XKR4: variants seen among roughly 807,000 people sequenced by gnomAD.
The protein encoded by XKR4 is XK-related protein 4.
A neutral mutation model predicts 53.9 loss-of-function variants in XKR4; 12 were observed. That is an observed-to-expected ratio of 0.22 (90% CI 0.14 to 0.36). The LOEUF (loss-of-function observed/expected upper bound fraction) is 0.36, where lower values mean the gene tolerates loss of function less well. XKR4 is among the 10% of genes least tolerant of loss of function. The pLI is 1.00. For missense variants in XKR4, 799 were observed against 859.5 expected (o/e 0.93, Z 0.88); for synonymous variants, 354 against 362.4 (o/e 0.98, Z 0.26).
intron 1 of XKR4, among the ~76,000 whole-genome samples, chr8:55,147,207 GT>G (rs1288645289): frequency 1.3e-5 from 2 of 152,138 alleles, no homozygotes; most frequent in Non-Finnish European, 2.9e-5. Flanking sequence ...CAATTAACAT[GT>G]GCTGTGACTC....
intron 1 of XKR4, among the ~76,000 whole-genome samples, chr8:55,306,384 T>A (rs113130338): frequency 0.018 from 2,728 of 152,282 alleles, 63 homozygotes; most frequent in African/African-American, 0.053. Flanking sequence ...AGGGTCCATA[T>A]GGAATCATGA....
chr8:55,133,415 C>G (rs138058199), intron 1 of XKR4, among the ~76,000 whole-genome samples: 1 of 152,340 alleles, frequency 6.6e-6, no homozygotes, highest in Non-Finnish European at 1.5e-5. Flanking sequence ...CAGTTTCCAT[C>G]AAATTCCACA....
At chr8:55,392,171 G>GA (rs1804453125) in intron 2 of XKR4, among the ~76,000 whole-genome samples, 2 of 152,076 alleles carry the variant, frequency 1.3e-5, no homozygotes, top group African/African-American at 4.8e-5. Flanking sequence ...AAAAGGCATG[G>GA]AAAAAATGAC....
chr8:55,129,613 G>A (rs1816526430), intron 1 of XKR4, among the ~76,000 whole-genome samples: 1 of 152,212 alleles, frequency 6.6e-6, no homozygotes, highest in South Asian at 2.1e-4. Context: ...CAGACTCGGG[G>A]TGAGAAAGTT....
chr8:55,441,739 C>A (rs1035281087), intron 2 of XKR4, among the ~76,000 whole-genome samples: 7 of 152,044 alleles, frequency 4.6e-5, no homozygotes. Flanking sequence ...AGGCATAATT[C>A]TCAACACAAA....
chr8:55,139,179 A>G (rs905227293), intron 1 of XKR4, among the ~76,000 whole-genome samples: 1 of 152,196 alleles, frequency 6.6e-6, no homozygotes, highest in Non-Finnish European at 1.5e-5. Flanking sequence ...TATCAGTCCC[A>G]TATTTGTCCC....
intron 2 of XKR4, among the ~76,000 whole-genome samples, chr8:55,370,193 A>G (rs1804052633): frequency 6.6e-6 from 1 of 152,202 alleles, no homozygotes. Context: ...TTTATTATAT[A>G]ATGTCAAATT....
intron 1 of XKR4, among the ~76,000 whole-genome samples, chr8:55,144,603 T>A (rs929000267): frequency 7.2e-5 from 11 of 152,080 alleles, no homozygotes; most frequent in African/African-American, 2.7e-4. Flanking sequence ...AATTTTGGCA[T>A]CTAATCCAAT....
chr8:55,280,693 G>A (rs867288630), intron 1 of XKR4, among the ~76,000 whole-genome samples: 2 of 152,054 alleles, frequency 1.3e-5, no homozygotes, highest in South Asian at 2.1e-4. Context: ...TAGGATATAT[G>A]GATTTTTAAA....
chr8:55,183,753 G>A (rs527747675), intron 1 of XKR4, among the ~76,000 whole-genome samples: 7 of 152,258 alleles, frequency 4.6e-5, no homozygotes, highest in African/African-American at 1.7e-4. Flanking sequence ...GATCAAATTG[G>A]CAGTTAGTGT....
At chr8:55,478,765 A>G (rs1806046172) in intron 2 of XKR4, among the ~76,000 whole-genome samples, 2 of 152,146 alleles carry the variant, frequency 1.3e-5, no homozygotes, top group Admixed American at 1.3e-4. Context: ...CTCTGATAAA[A>G]CAGACTTTAA....
At position 55,537,300 on chromosome 8, in the gene XKR4, T is replaced by G. The variant is rs1807044162; in HGVS notation, c.*13073T>G. ...CAAGGAAAGTCTGAGATGTTCATCCTGACATTTGCGTTCCTGATTATTTGT... is the reference window on the plus strand; with the variant it reads ...CAAGGAAAGTCTGAGATGTTCATCCGGACATTTGCGTTCCTGATTATTTGT... On this transcript the variant is annotated 3_prime_UTR_variant, in exon 3 of 3. Coordinates refer to ENST00000327381, the MANE Select transcript of XKR4 (RefSeq NM_052898.2). 1 of 152,246 alleles carries G rather than the reference T, an allele frequency of 6.6e-6. No individual in the cohort carries two copies. Among genetic ancestry groups the G allele is most frequent in the African/African-American group, 2.4e-5 (1 of 41,470 alleles). 9.4% of individuals were successfully genotyped at this position (152,246 alleles called of 1,614,324 possible).
chr8:55,384,479 C>T (rs1804280988), intron 2 of XKR4, among the ~76,000 whole-genome samples: 1 of 152,210 alleles, frequency 6.6e-6, no homozygotes, highest in Admixed American at 6.5e-5. Flanking sequence ...AACTTACCAT[C>T]TGAACTGCTG....
chr8:55,177,415 T>C (rs1053507201), intron 1 of XKR4, among the ~76,000 whole-genome samples: 3 of 152,190 alleles, frequency 2.0e-5, no homozygotes, highest in Non-Finnish European at 2.9e-5. Context: ...CCAGGGGACA[T>C]CTCAGGCACA....
At chr8:55,443,714 GC>G (rs1805305029) in intron 2 of XKR4, among the ~76,000 whole-genome samples, 1 of 151,172 alleles carries the variant, frequency 6.6e-6, no homozygotes, top group South Asian at 2.1e-4. Flanking sequence ...GGTGGCCTGT[GC>G]CTGTAGTCCC....
intron 2 of XKR4, among the ~76,000 whole-genome samples, chr8:55,396,418 T>TTTTTTTTTTTTC (rs1804520025): frequency 7.5e-6 from 1 of 133,154 alleles, no homozygotes; most frequent in African/African-American, 2.6e-5. Flanking sequence ...TTTTTTTTTT[T>TTTTTTTTTTTTC]GCAGAGGATG....
chr8:55,273,942 TAA>T (rs1018026232), intron 1 of XKR4, among the ~76,000 whole-genome samples: 1 of 152,136 alleles, frequency 6.6e-6, no homozygotes, highest in Non-Finnish European at 1.5e-5. Flanking sequence ...CTAGTGGGGC[TAA>T]AAGGAGAGGG....
intron 2 of XKR4, among the ~76,000 whole-genome samples, chr8:55,446,184 C>T (rs1266795104): frequency 6.6e-6 from 1 of 152,142 alleles, no homozygotes; most frequent in Non-Finnish European, 1.5e-5. Context: ...GCTGAAAGTT[C>T]AACTCAACCA....
At chr8:55,351,973 GTTAA>G (rs746778577) in intron 1 of XKR4, among the ~76,000 whole-genome samples, 2 of 152,228 alleles carry the variant, frequency 1.3e-5, no homozygotes, top group African/African-American at 2.4e-5. Flanking sequence ...AAGGATGCAT[GTTAA>G]TTGAGTGCTT....
Sources: gnomAD v4.1 joint callset for allele counts (sites outside exome capture counted in the v4.1 genomes callset) on GRCh38, gnomAD v4.1.1 for gene constraint, MANE v1.5 for transcripts, NCBI Gene and HGNC (gene_info 2026-07-23, HGNC 2026-07-21) for gene names.